NKAIN2: variants seen among roughly 807,000 people sequenced by gnomAD.
The protein encoded by NKAIN2 is sodium/potassium-transporting ATPase subunit beta-1-interacting protein 2.
In NKAIN2, 14 loss-of-function variants were observed where a neutral mutation model predicts 32.6. That is an observed-to-expected ratio of 0.43 (90% CI 0.28 to 0.67). NKAIN2 has a LOEUF of 0.67. NKAIN2 is among the 30% of genes least tolerant of loss of function. The pLI, the probability that NKAIN2 is intolerant of heterozygous loss-of-function variation, is 0.17. For missense variants in NKAIN2, 198 were observed against 258.3 expected (o/e 0.77, Z 1.60); for synonymous variants, 80 against 87.2 (o/e 0.92, Z 0.46).
intron 2 of NKAIN2, among the ~76,000 whole-genome samples, chr6:124,295,931 A>G (rs554404430): frequency 6.6e-6 from 1 of 150,886 alleles, no homozygotes; most frequent in African/African-American, 2.5e-5. Flanking sequence ...ATCTGGTGAT[A>G]CCTTTTTTCT....
chr6:124,700,477 C>T (rs1774721157), intron 4 of NKAIN2, among the ~76,000 whole-genome samples: 2 of 152,138 alleles, frequency 1.3e-5, no homozygotes, highest in African/African-American at 4.8e-5. Flanking sequence ...GTCCAAAACA[C>T]AGTTCAGTCC....
intron 4 of NKAIN2, among the ~76,000 whole-genome samples, chr6:124,690,691 A>T (rs1774213537): frequency 6.6e-6 from 1 of 152,070 alleles, no homozygotes; most frequent in Non-Finnish European, 1.5e-5. Context: ...CTTAGTACGT[A>T]TTCTTTCTCT....
Position 124,576,457 on chromosome 6 carries a change from C to T in NKAIN2, c.274-81729C>T, listed in dbSNP as rs1401911187. Among the ~76,000 whole-genome samples the T allele has an allele frequency of 2.6e-5, 4 of 152,152 alleles. No individual in the cohort carries two copies. The East Asian group carries it at 7.7e-4, about 29-fold the overall frequency. ...GCAAAAGTTAGAATTTTGGAAAAGT[C>T]ATGCGAACCACACTGGGCTGGACAG... is the stretch of plus-strand genomic sequence containing the variant. On this transcript the variant is annotated intron_variant, in intron 3 of 6. Transcript: ENST00000368417.
chr6:124,349,716 T>C (rs1798622583), intron 2 of NKAIN2, among the ~76,000 whole-genome samples: 1 of 152,200 alleles, frequency 6.6e-6, no homozygotes, highest in Non-Finnish European at 1.5e-5. Context: ...CCATGACATA[T>C]AATAGGGCCA....
At chr6:124,530,603 T>C (rs1294579974) in intron 3 of NKAIN2, among the ~76,000 whole-genome samples, 2 of 152,180 alleles carry the variant, frequency 1.3e-5, no homozygotes, top group Non-Finnish European at 2.9e-5. Flanking sequence ...AGAGCTATTA[T>C]GGGAAATTGC....
intron 1 of NKAIN2, among the ~76,000 whole-genome samples, chr6:124,060,142 T>G (rs1240939457): frequency 6.6e-6 from 1 of 152,160 alleles, no homozygotes; most frequent in Non-Finnish European, 1.5e-5. Context: ...TATGGTTAAC[T>G]CCACTGCTGT....
intron 1 of NKAIN2, among the ~76,000 whole-genome samples, chr6:123,992,140 G>T (rs904058524): frequency 2.0e-5 from 3 of 152,148 alleles, no homozygotes; most frequent in Non-Finnish European, 2.9e-5. Flanking sequence ...TGGAAGGCAG[G>T]ATAGTAGGGA....
chr6:123,983,503 A>G (rs1778992521), intron 1 of NKAIN2, among the ~76,000 whole-genome samples: 1 of 152,192 alleles, frequency 6.6e-6, no homozygotes, highest in South Asian at 2.1e-4. Context: ...TATGTTTTTC[A>G]TCTGTAACCA....
In NKAIN2 at chr6:124,014,673, C is replaced by T. The variant is rs117890756; in HGVS notation, c.54+210419C>T. On this transcript the variant is annotated intron_variant, in intron 1 of 6. Coordinates refer to ENST00000368417, the MANE Select transcript of NKAIN2 (RefSeq NM_001040214.3). ...AAAAATATTTACTTATTAAAATACT[C>T]TTGAAAATAAAGATAAGTATAAATA... Among the ~76,000 whole-genome samples, 303 of 151,938 alleles carry T rather than the reference C, an allele frequency of 2.0e-3. 2 individuals are homozygous for T. Among genetic ancestry groups the T allele is most frequent in the Non-Finnish European group, 2.5e-3 (173 of 67,936 alleles).
chr6:124,164,340 A>C (rs1270245646), intron 1 of NKAIN2, among the ~76,000 whole-genome samples: 1 of 150,568 alleles, frequency 6.6e-6, no homozygotes, highest in Non-Finnish European at 1.5e-5. Context: ...GATTATTTTA[A>C]ATTTTAAGGA....
chr6:124,268,068 T>C (rs1238238461), intron 1 of NKAIN2, among the ~76,000 whole-genome samples: 1 of 152,206 alleles, frequency 6.6e-6, no homozygotes, highest in African/African-American at 2.4e-5. Flanking sequence ...AAGTCTATCG[T>C]GTATGTAATA....
intron 1 of NKAIN2, chr6:123,828,666 C>CT (rs1774247576): frequency 6.6e-6 from 1 of 152,138 alleles, no homozygotes; most frequent in Non-Finnish European, 1.5e-5. Flanking sequence ...TTGTGCCTCC[C>CT]TCTCCCCCTT....
intron 3 of NKAIN2, among the ~76,000 whole-genome samples, chr6:124,518,522 A>C (rs1410787293): frequency 6.6e-6 from 1 of 152,100 alleles, no homozygotes; most frequent in Non-Finnish European, 1.5e-5. Context: ...AGCAGGAGGA[A>C]TCAAAAGAGA....
At chr6:124,414,721 T>G (rs1774381081) in intron 3 of NKAIN2, among the ~76,000 whole-genome samples, 1 of 152,180 alleles carries the variant, frequency 6.6e-6, no homozygotes. Flanking sequence ...CTTAACTGAG[T>G]TTTGATAGTT....
chr6:123,966,878 C>T (rs1778103937), intron 1 of NKAIN2, among the ~76,000 whole-genome samples: 1 of 152,132 alleles, frequency 6.6e-6, no homozygotes, highest in Non-Finnish European at 1.5e-5. Context: ...GACATGGTTC[C>T]AGCTCTCATG....
intron 1 of NKAIN2, among the ~76,000 whole-genome samples, chr6:123,899,972 CAT>C (rs1774479671): frequency 1.3e-5 from 2 of 152,056 alleles, no homozygotes; most frequent in African/African-American, 4.8e-5. Flanking sequence ...TCTCTCTGAC[CAT>C]GATGCTCGAC....
At chr6:124,409,282 G>A (rs1421010302) in intron 3 of NKAIN2, among the ~76,000 whole-genome samples, 1 of 152,152 alleles carries the variant, frequency 6.6e-6, no homozygotes, top group African/African-American at 2.4e-5. Flanking sequence ...AGTTTTCAAA[G>A]GGAATGCTTC....
At chr6:124,818,536 C>A in intron 6 of NKAIN2, 68 bp downstream of exon 6, 1 of 645,328 alleles carries the variant, frequency 1.5e-6, no homozygotes, top group Non-Finnish European at 2.7e-6. Flanking sequence ...TATCACGATA[C>A]AAAATTGATG....
chr6:124,794,518 G>A (rs138826374), intron 5 of NKAIN2, among the ~76,000 whole-genome samples: 1 of 152,192 alleles, frequency 6.6e-6, no homozygotes, highest in African/African-American at 2.4e-5. Context: ...CACCACATCT[G>A]CCTTTATTAA....
Sources: allele counts gnomAD v4.1 joint callset (sites outside exome capture counted in the v4.1 genomes callset), GRCh38; gene constraint gnomAD v4.1.1; transcripts MANE v1.5; gene names NCBI Gene and HGNC (gene_info 2026-07-23, HGNC 2026-07-21).